Variants in MACROD1 observed in about 807,000 individuals in gnomAD.
MACROD1 encodes the protein mono-ADP ribosylhydrolase 1, also known as ADP-ribose glycohydrolase MACROD1.
A neutral mutation model predicts 41.4 loss-of-function variants in MACROD1; 31 were observed. The ratio of observed to expected loss-of-function variants is 0.75; its 90% confidence interval spans 0.56 to 1.01. MACROD1 has a LOEUF of 1.01. Ranked by LOEUF, MACROD1 falls within the 50% of genes least tolerant of loss-of-function variation. The pLI is 0.00. For synonymous variants in MACROD1, 252 were observed against 203.4 expected, an observed-to-expected ratio of 1.24 and a Z score of -2.03; for missense variants, 473 against 460.0, an observed-to-expected ratio of 1.03 and a Z score of -0.26.
intron 3 of MACROD1, among the ~76,000 whole-genome samples, chr11:64,099,687 G>A (rs186166236): frequency 6.6e-6 from 1 of 151,932 alleles, no homozygotes; most frequent in East Asian, 1.9e-4. Flanking sequence ...TGGAGGGATG[G>A]ATGGATGAAG....
chr11:64,116,394 G>A (rs148716440), intron 3 of MACROD1: 1 of 1,613,820 alleles, frequency 6.2e-7, no homozygotes, highest in Non-Finnish European at 8.5e-7. Flanking sequence ...CGGGCTCATC[G>A]CCTTCCTGAC....
At chr11:64,053,724 C>G (rs1218528048) in intron 3 of MACROD1, among the ~76,000 whole-genome samples, 2 of 152,072 alleles carry the variant, frequency 1.3e-5, no homozygotes, top group Admixed American at 1.3e-4. Context: ...TTCTCCTTCC[C>G]TTGCCTTCCG....
Position 63,998,983 on chromosome 11 carries a change from C to G in MACROD1, c.945G>C (p.Arg315=), listed in dbSNP as rs367899497. 4.4e-6 allele frequency: 7 copies of G among 1,608,166 alleles called. No individual in the cohort carries two copies. The highest frequency in any genetic ancestry group is 5.9e-6 in the Non-Finnish European group (7 of 1,178,060). The change falls in exon 9 of 11, where the codon CGG becomes CGC. Residue 315 remains arginine, a synonymous_variant. Transcript: ENST00000255681. ...CGGGGAAGTAGTGGGGGAGCCGGCT[C>G]CGGTAGATGTCCTCGTCCTTCTCGA... ...VFLEKDEDIY[R]SRLPHYFPVA is the part of the protein sequence containing the mutation.
At chr11:64,154,469 T>C (rs2622415) in intron 1 of MACROD1, among the ~76,000 whole-genome samples, 146,268 of 152,062 alleles carry the variant, frequency 0.96, 70,603 homozygotes, top group Middle Eastern at 1. Context: ...CCAGCTGATC[T>C]CCGTGTGCAT....
rs567885596 is a variant in MACROD1, at chr11:64,048,405, G to A, written c.518-33124C>T. 2.2e-4 allele frequency among the ~76,000 whole-genome samples: 34 copies of A among 152,302 alleles called. No individual in the cohort carries two copies. In the East Asian group the frequency reaches 6.4e-3, roughly 29 times the overall value. ...TGGAGGCTGGGGGCCTCCCGGGGAG[G>A]GTCTGCCCTGGACCCTCCGTTGGCC... On this transcript the variant is annotated intron_variant, in intron 3 of 10. Coordinates refer to ENST00000255681, the MANE Select transcript of MACROD1 (RefSeq NM_014067.4).
chr11:64,009,405 C>T (rs556894455), intron 4 of MACROD1, among the ~76,000 whole-genome samples: 22 of 152,122 alleles, frequency 1.4e-4, no homozygotes, highest in African/African-American at 4.8e-4. Context: ...CTGGGGGGCC[C>T]GTCCATCCTG....
chr11:64,149,419 G>A (rs1945542431), intron 3 of MACROD1, among the ~76,000 whole-genome samples: 1 of 152,146 alleles, frequency 6.6e-6, no homozygotes, highest in Non-Finnish European at 1.5e-5. Context: ...TGGTGCAAAT[G>A]GAGCTGGCAC....
chr11:63,998,602 G>A lies in MACROD1; in HGVS notation c.*116C>T. 1 of 1,278,918 alleles carries A rather than the reference G, an allele frequency of 7.8e-7. No homozygotes were observed. The highest frequency in any genetic ancestry group is 9.9e-7 in the Non-Finnish European group (1 of 1,014,248). The allele number at this position is 1,278,918 out of a possible 1,614,324, so 79.2% of individuals were successfully genotyped here. ...TTAGGCTCCTCGGGGGCGGGGCGCGGAGGGAAAGAAGGGGTGGCCAGGCCC... is the reference window on the plus strand; with the variant it reads ...TTAGGCTCCTCGGGGGCGGGGCGCGAAGGGAAAGAAGGGGTGGCCAGGCCC... On this transcript the variant is annotated 3_prime_UTR_variant, in exon 11 of 11. Transcript: ENST00000255681.
chr11:64,039,126 A>G (rs369152853), intron 3 of MACROD1, among the ~76,000 whole-genome samples: 192 of 152,278 alleles, frequency 1.3e-3, no homozygotes, highest in African/African-American at 4.2e-3. Flanking sequence ...ACCTGGCCCA[A>G]GGGGCAGTGG....
At position 63,999,550 on chromosome 11, in the gene MACROD1, C is replaced by A. The variant is rs928184380; in HGVS notation, c.797G>T (p.Cys266Phe). 5.6e-6 allele frequency: 9 copies of A among 1,609,788 alleles called. No individual in the cohort carries two copies. Among genetic ancestry groups the A allele is most frequent in the Admixed American group, 3.4e-5 (2 of 59,574 alleles). The change falls in exon 7 of 11, where the codon TGC becomes TTC. Residue 266 changes from cysteine (C) to phenylalanine (F), a missense_variant. Transcript: ENST00000255681. ...EHRLRSVAFP[C>F]ISTGVFGYPC... is the part of the protein sequence containing the mutation. The stretch of plus-strand genomic sequence containing the variant: ...CTCACCAAACACGCCGGTGGAGATG[C>A]AGGGGAACGCCTGGGCGGGGAGGGG...
intron 3 of MACROD1, among the ~76,000 whole-genome samples, chr11:64,024,367 G>T (rs967159379): frequency 1.3e-5 from 2 of 152,224 alleles, no homozygotes; most frequent in Non-Finnish European, 2.9e-5. Context: ...CCGTTGAGGG[G>T]GTCCTATGAT....
chr11:64,148,205 C>T (rs989180131), intron 3 of MACROD1, among the ~76,000 whole-genome samples: 1 of 152,110 alleles, frequency 6.6e-6, no homozygotes, highest in African/African-American at 2.4e-5. Context: ...GGCTGGAGAC[C>T]CCTTCAACCC....
intron 3 of MACROD1, among the ~76,000 whole-genome samples, chr11:64,132,933 C>T (rs754517520): frequency 3.3e-5 from 5 of 152,192 alleles, no homozygotes; most frequent in Non-Finnish European, 5.9e-5. Context: ...GCAATGGTGA[C>T]GGAGTTAGCT....
At chr11:64,069,732 C>T (rs1031242685) in intron 3 of MACROD1, among the ~76,000 whole-genome samples, 3 of 152,122 alleles carry the variant, frequency 2.0e-5, no homozygotes, top group South Asian at 4.1e-4. Context: ...CCGGGCCCGG[C>T]CCCGGCAGCT....
rs983460862 is a variant in MACROD1 at position 64,082,189 on chromosome 11, C to G, written c.518-66908G>C. ...GCCAGGAGCAGGCCAGAGCCAGGAGCAGGCGCGAAACATCCCTTAAATATT... is the reference window on the plus strand; with the variant it reads ...GCCAGGAGCAGGCCAGAGCCAGGAGGAGGCGCGAAACATCCCTTAAATATT... On this transcript the variant is annotated intron_variant, in intron 3 of 10. Coordinates refer to ENST00000255681, the MANE Select transcript of MACROD1 (RefSeq NM_014067.4). This position sits in a 1 kb window ranked among gnomAD's most constrained non-coding sequence, Gnocchi z 4.5. 6.6e-6 allele frequency: 1 copy of G among 152,336 alleles called. No individual in the cohort carries two copies. The highest frequency in any genetic ancestry group is 1.5e-5 in the Non-Finnish European group (1 of 68,212). The allele number at this position is 152,336 out of a possible 1,614,324, so 9.4% of individuals were successfully genotyped here.
intron 3 of MACROD1, among the ~76,000 whole-genome samples, chr11:64,095,227 C>T (rs1007985249): frequency 1.3e-5 from 2 of 152,174 alleles, no homozygotes; most frequent in Non-Finnish European, 2.9e-5. Flanking sequence ...TTCCCCCATT[C>T]CTCCCAATTC....
chr11:64,063,937 A>G (rs1434530028), intron 3 of MACROD1, among the ~76,000 whole-genome samples: 1 of 152,222 alleles, frequency 6.6e-6, no homozygotes, highest in Non-Finnish European at 1.5e-5. Context: ...GAGGTTTGAA[A>G]GGAACCAGTG....
At chr11:64,094,281 A>T (rs1187328744) in intron 3 of MACROD1, among the ~76,000 whole-genome samples, 1 of 152,134 alleles carries the variant, frequency 6.6e-6, no homozygotes, top group African/African-American at 2.4e-5. Context: ...ATACAAAAAA[A>T]GTTAGCCGGG....
chr11:64,021,280 C>T (rs905302010), intron 3 of MACROD1, among the ~76,000 whole-genome samples: 4 of 152,164 alleles, frequency 2.6e-5, no homozygotes, highest in Non-Finnish European at 4.4e-5. Flanking sequence ...GGACCTGGGC[C>T]GGGAGCTGTG....
Sources: allele counts gnomAD v4.1 joint callset (sites outside exome capture counted in the v4.1 genomes callset), GRCh38; gene constraint gnomAD v4.1.1; non-coding constraint Gnocchi (gnomAD v3.1); transcripts MANE v1.5; gene names NCBI Gene and HGNC (gene_info 2026-07-23, HGNC 2026-07-21).